Variants in DLG5 observed in about 807,000 individuals in gnomAD.
DLG5 encodes disks large homolog 5.
A neutral mutation model predicts 189.8 loss-of-function variants in DLG5; 48 were observed. The observed-to-expected ratio is 0.25, with a 90% CI of 0.20 to 0.32. DLG5 has a LOEUF of 0.32. Ranked by LOEUF, DLG5 falls within the 10% of genes least tolerant of loss-of-function variation. The pLI, the probability that DLG5 is intolerant of heterozygous loss-of-function variation, is 1.00. For missense variants in DLG5, 2,160 were observed against 2,544.7 expected (o/e 0.85, Z 3.25); for synonymous variants, 1,016 against 1,054.1 (o/e 0.96, Z 0.70).
At chr10:77,865,219 G>A (rs1344295634) in intron 2 of DLG5, among the ~76,000 whole-genome samples, 2 of 152,166 alleles carry the variant, frequency 1.3e-5, no homozygotes, top group Middle Eastern at 3.2e-3. Flanking sequence ...ATCCCTATGA[G>A]TACCAAACAC....
chr10:77,807,180 A>G (rs1197650913), intron 25 of DLG5, among the ~76,000 whole-genome samples: 3 of 152,160 alleles, frequency 2.0e-5, no homozygotes, highest in Non-Finnish European at 4.4e-5. Context: ...ATCTGAGGCC[A>G]TAACTTCCCT....
chr10:77,856,307 G>A (rs60344957), intron 3 of DLG5, among the ~76,000 whole-genome samples: 4,406 of 152,268 alleles, frequency 0.029, 218 homozygotes, highest in African/African-American at 0.099. Flanking sequence ...AACCATGATT[G>A]TGCCACTGCA....
the DLG5 span, among the ~76,000 whole-genome samples, chr10:77,937,874 ATTT>A: frequency 2.9e-5 from 3 of 104,130 alleles, no homozygotes; most frequent in South Asian, 3.5e-4. Flanking sequence ...CACTCAGCTA[ATTT>A]TTTTTTTTTT....
At chr10:77,825,178 A>G (rs1341735868) in intron 13 of DLG5, among the ~76,000 whole-genome samples, 1 of 152,202 alleles carries the variant, frequency 6.6e-6, no homozygotes, top group Non-Finnish European at 1.5e-5. Flanking sequence ...ATATGATTCC[A>G]TGTCTGTAAC....
chr10:77,853,476 T>A lies in DLG5; in HGVS notation c.742A>T (p.Arg248Trp). 6.2e-7 allele frequency: 1 copy of A among 1,612,098 alleles called. No homozygotes were observed. The highest frequency in any genetic ancestry group is 8.5e-7 in the Non-Finnish European group (1 of 1,179,352). Residue 248 changes from arginine (R) to tryptophan (W), a missense_variant, in exon 5 of 32, where the codon AGG (arginine) becomes TGG (tryptophan). Coordinates refer to ENST00000372391, the MANE Select transcript of DLG5 (RefSeq NM_004747.4). ...CGCAGCAGCTGCCCATTCTCCCGCC[T>A]CAGCATGTCCACGTCATCCTTCAGC... is the stretch of plus-strand genomic sequence containing the variant. ...TRLKDDVDML[R>W]RENGQLLRER...
At chr10:77,910,640 A>G (rs1174257034) in intron 1 of DLG5, among the ~76,000 whole-genome samples, 1 of 152,140 alleles carries the variant, frequency 6.6e-6, no homozygotes, top group Non-Finnish European at 1.5e-5. Flanking sequence ...GGTTTCTAAG[A>G]TCCCTTCCAG....
intron 1 of DLG5, among the ~76,000 whole-genome samples, chr10:77,875,043 C>T (rs957436901): frequency 6.6e-6 from 1 of 152,198 alleles, no homozygotes; most frequent in Non-Finnish European, 1.5e-5. Context: ...CATAACAACC[C>T]AAAGGTTGTC....
At chr10:77,829,735 C>T (rs1318761203) in intron 11 of DLG5, among the ~76,000 whole-genome samples, 3 of 152,224 alleles carry the variant, frequency 2.0e-5, no homozygotes, top group Non-Finnish European at 4.4e-5. Flanking sequence ...GGCCCTACCA[C>T]TTACTAGTTG....
At chr10:77,925,141 T>C (rs1358173788) in intron 1 of DLG5, among the ~76,000 whole-genome samples, 1 of 152,190 alleles carries the variant, frequency 6.6e-6, no homozygotes, top group Non-Finnish European at 1.5e-5. Flanking sequence ...CTGAACAAGT[T>C]AAATCAAACA....
intron 7 of DLG5, among the ~76,000 whole-genome samples, chr10:77,840,676 G>A (rs973980562): frequency 4.6e-5 from 7 of 152,266 alleles, no homozygotes; most frequent in African/African-American, 1.7e-4. Context: ...CCGAGATTGC[G>A]CCACTGCACT....
intron 10 of DLG5, 141 bp downstream of exon 10, chr10:77,830,600 G>A: frequency 1.4e-6 from 2 of 1,382,718 alleles, no homozygotes; most frequent in East Asian, 2.3e-5. Context: ...ACAGCTGCTG[G>A]GAAAGGATGC....
chr10:77,798,766 C>T (rs189556466), intron 27 of DLG5, among the ~76,000 whole-genome samples: 11 of 152,208 alleles, frequency 7.2e-5, no homozygotes, highest in African/African-American at 2.4e-4. Flanking sequence ...GTCACCATTC[C>T]CTCCATTTAC....
intron 7 of DLG5, among the ~76,000 whole-genome samples, chr10:77,840,739 C>T (rs868265943): frequency 1.8e-4 from 27 of 152,070 alleles, no homozygotes; most frequent in Admixed American, 1.6e-3. Context: ...AAGAAAGAAA[C>T]GGAGGCCTAG....
At chr10:77,804,136 C>T (rs1280336901) in intron 27 of DLG5, among the ~76,000 whole-genome samples, 4 of 152,156 alleles carry the variant, frequency 2.6e-5, no homozygotes, top group South Asian at 2.1e-4. Flanking sequence ...AAGTGATCCA[C>T]CCACCTCGGC....
intron 1 of DLG5, among the ~76,000 whole-genome samples, chr10:77,915,735 T>G (rs1682071614): frequency 6.6e-6 from 1 of 152,228 alleles, no homozygotes; most frequent in Non-Finnish European, 1.5e-5. Flanking sequence ...AAAGAAAGTC[T>G]CAATAGCCTT....
intron 1 of DLG5, 126 bp from the exon 2 acceptor site, chr10:77,869,323 C>T: frequency 1.1e-6 from 1 of 885,654 alleles, no homozygotes; most frequent in Non-Finnish European, 1.8e-6. Flanking sequence ...AAATCCACAT[C>T]CACGGGCCAA....
chr10:77,860,177 C>T (rs539502053), intron 2 of DLG5, among the ~76,000 whole-genome samples: 17 of 152,362 alleles, frequency 1.1e-4, no homozygotes, highest in African/African-American at 3.8e-4. Flanking sequence ...AGGTAATTGA[C>T]TCAAGTGCCC....
chr10:77,864,275 G>A (rs1220873152), intron 2 of DLG5, among the ~76,000 whole-genome samples: 1 of 152,216 alleles, frequency 6.6e-6, no homozygotes, highest in Non-Finnish European at 1.5e-5. Flanking sequence ...TCCAGGCCCT[G>A]TATGCCTGTG....
intron 2 of DLG5, among the ~76,000 whole-genome samples, chr10:77,861,115 TCA>T (rs1222581988): frequency 1.2e-4 from 18 of 152,254 alleles, no homozygotes; most frequent in African/African-American, 4.3e-4. Flanking sequence ...CTCTGTAATG[TCA>T]CACACCCAGG....
Sources: gnomAD v4.1 joint callset for allele counts (sites outside exome capture counted in the v4.1 genomes callset) on GRCh38, gnomAD v4.1.1 for gene constraint, MANE v1.5 for transcripts, NCBI Gene and HGNC (gene_info 2026-07-23, HGNC 2026-07-21) for gene names.